TAFA1: variants seen among roughly 807,000 people sequenced by gnomAD.
TAFA1 encodes the protein TAFA chemokine like family member 1, also known as chemokine-like protein TAFA-1.
In TAFA1, 4 loss-of-function variants were observed where a neutral mutation model predicts 18.5. That is an observed-to-expected ratio of 0.22 (90% confidence interval 0.11 to 0.49). The LOEUF (loss-of-function observed/expected upper bound fraction) is 0.49, where lower values mean the gene tolerates loss of function less well. Among genes scored for constraint, TAFA1 ranks in the 20% least tolerant of loss-of-function variants. The pLI, the probability that TAFA1 is intolerant of heterozygous loss-of-function variation, is 0.98. For synonymous variants in TAFA1, 56 were observed against 55.2 expected (o/e 1.01, Z -0.06); for missense variants, 147 against 169.0 (o/e 0.87, Z 0.72).
At chr3:68,492,804 G>A (rs1005591912) in intron 3 of TAFA1, among the ~76,000 whole-genome samples, 1 of 152,000 alleles carries the variant, frequency 6.6e-6, no homozygotes. Context: ...AAATCTCTGT[G>A]AGTTCAGCAT....
intron 2 of TAFA1, among the ~76,000 whole-genome samples, chr3:68,010,262 T>A (rs1396541212): frequency 6.6e-6 from 1 of 152,160 alleles, no homozygotes; most frequent in African/African-American, 2.4e-5. Flanking sequence ...ACTTTGGCTG[T>A]TCCTTGCATG....
At chr3:68,242,961 A>G (rs1159108755) in intron 2 of TAFA1, among the ~76,000 whole-genome samples, 2 of 152,120 alleles carry the variant, frequency 1.3e-5, no homozygotes, top group Non-Finnish European at 2.9e-5. Flanking sequence ...GATGGATTAT[A>G]TGATTGTATG....
chr3:68,122,984 C>G (rs1414192553), intron 2 of TAFA1, among the ~76,000 whole-genome samples: 1 of 149,168 alleles, frequency 6.7e-6, no homozygotes, highest in Admixed American at 6.7e-5. Flanking sequence ...CTAGAAAGAG[C>G]AGTAAAGAAA....
chr3:68,448,282 A>AG (rs2106887462), intron 3 of TAFA1, among the ~76,000 whole-genome samples: 1 of 152,356 alleles, frequency 6.6e-6, no homozygotes, highest in East Asian at 1.9e-4. Context: ...AACTAATAAA[A>AG]TCAATTATAT....
intron 2 of TAFA1, among the ~76,000 whole-genome samples, chr3:68,295,908 T>G (rs2068199309): frequency 6.6e-6 from 1 of 152,146 alleles, no homozygotes. Flanking sequence ...TCTGAGTAGC[T>G]GAGACCAGCT....
intron 3 of TAFA1, among the ~76,000 whole-genome samples, chr3:68,485,972 G>C (rs1278367395): frequency 6.6e-6 from 1 of 151,980 alleles, no homozygotes; most frequent in African/African-American, 2.4e-5. Flanking sequence ...CTATCACCTA[G>C]GCTGGAGTGC....
chr3:68,397,049 CA>C (rs2070394803), intron 2 of TAFA1, among the ~76,000 whole-genome samples: 1 of 152,108 alleles, frequency 6.6e-6, no homozygotes, highest in Admixed American at 6.6e-5. Flanking sequence ...TAGTATTAAC[CA>C]TGAAAGACTT....
At chr3:68,250,751 C>G (rs1048533195) in intron 2 of TAFA1, 1 of 151,364 alleles carries the variant, frequency 6.6e-6, no homozygotes, top group African/African-American at 2.4e-5. Context: ...ATTGGGCAAG[C>G]CTAAATGATC....
intron 3 of TAFA1, among the ~76,000 whole-genome samples, chr3:68,432,668 G>A (rs1198134853): frequency 6.6e-6 from 1 of 152,104 alleles, no homozygotes; most frequent in African/African-American, 2.4e-5. Flanking sequence ...AGTTGAACGC[G>A]ACATGCCGTG....
At chr3:68,184,304 C>G (rs1439131181) in intron 2 of TAFA1, among the ~76,000 whole-genome samples, 1 of 152,066 alleles carries the variant, frequency 6.6e-6, no homozygotes, top group Non-Finnish European at 1.5e-5. Context: ...ACAGCGATTT[C>G]AAAGCATTCT....
At chr3:68,362,758 A>C (rs1182576443) in intron 2 of TAFA1, among the ~76,000 whole-genome samples, 1 of 152,084 alleles carries the variant, frequency 6.6e-6, no homozygotes, top group East Asian at 1.9e-4. Flanking sequence ...CAGGGAGACA[A>C]GTGGTTGGTG....
rs577624080 is a variant in TAFA1, at chr3:68,208,859, G to T, written c.118+202115G>T. ...ACTACTTAGTGTGCTCTGAATAAGC[G>T]CCTCCTCTTGAGTGTGTGCAGGCCT... On this transcript the variant is annotated intron_variant, in intron 2 of 4. Transcript: ENST00000478136. Among the ~76,000 whole-genome samples the T allele has an allele frequency of 2.0e-5, 3 of 152,044 alleles. No individual in the cohort carries two copies. In the South Asian group the frequency reaches 6.2e-4, roughly 32 times the overall value.
chr3:68,508,465 T>C (rs942655630), intron 3 of TAFA1, among the ~76,000 whole-genome samples: 1 of 148,378 alleles, frequency 6.7e-6, no homozygotes, highest in African/African-American at 2.5e-5. Flanking sequence ...TCTTAGCAAC[T>C]CTATGCTGTG....
At chr3:68,475,034 G>C (rs1032559193) in intron 3 of TAFA1, among the ~76,000 whole-genome samples, 3 of 151,988 alleles carry the variant, frequency 2.0e-5, no homozygotes, top group East Asian at 3.9e-4. Context: ...CTGGTTCTTT[G>C]AGTTCACCAT....
intron 2 of TAFA1, among the ~76,000 whole-genome samples, chr3:68,347,433 G>T (rs563861924): frequency 6.6e-6 from 1 of 152,304 alleles, no homozygotes; most frequent in East Asian, 1.9e-4. Flanking sequence ...TGGTTCTCCT[G>T]TAGTGCAGCA....
intron 2 of TAFA1, among the ~76,000 whole-genome samples, chr3:68,388,119 T>G (rs368163028): frequency 7.2e-5 from 11 of 152,264 alleles, no homozygotes; most frequent in African/African-American, 2.6e-4. Context: ...TCCTCTTGTT[T>G]TAACTAACAT....
intron 3 of TAFA1, among the ~76,000 whole-genome samples, chr3:68,449,025 C>T (rs1308977071): frequency 2.0e-5 from 3 of 152,212 alleles, no homozygotes; most frequent in East Asian, 1.9e-4. Flanking sequence ...TGGCTGCCTA[C>T]TGTGTGTCCA....
intron 2 of TAFA1, among the ~76,000 whole-genome samples, chr3:68,262,345 A>G (rs1308320556): frequency 1.1e-5 from 1 of 90,306 alleles, no homozygotes; most frequent in African/African-American, 4.2e-5. Context: ...ATATATATAT[A>G]TATATATATA....
intron 2 of TAFA1, among the ~76,000 whole-genome samples, chr3:68,144,071 C>A (rs949142705): frequency 1.3e-5 from 2 of 150,980 alleles, no homozygotes; most frequent in Non-Finnish European, 2.9e-5. Context: ...AAAAAGAAAA[C>A]CCTAAAAACA....
Sources: gnomAD v4.1 joint callset for allele counts (sites outside exome capture counted in the v4.1 genomes callset) on GRCh38, gnomAD v4.1.1 for gene constraint, MANE v1.5 for transcripts, NCBI Gene and HGNC (gene_info 2026-07-23, HGNC 2026-07-21) for gene names.